Variants in SCNN1B observed in about 807,000 individuals in gnomAD.
The protein encoded by SCNN1B is sodium channel epithelial 1 subunit beta.
SCNN1B carries 46 observed loss-of-function variants against 65.3 expected under a neutral mutation model. The ratio of observed to expected loss-of-function variants is 0.70; its 90% CI spans 0.56 to 0.90. The LOEUF (loss-of-function observed/expected upper bound fraction) is 0.90. Among genes scored for constraint, SCNN1B ranks in the 40% least tolerant of loss-of-function variants. SCNN1B has a pLI of 0.00. For synonymous variants in SCNN1B, 349 were observed against 330.6 expected, an observed-to-expected ratio of 1.06 and a Z score of -0.60; for missense variants, 751 against 830.5, an observed-to-expected ratio of 0.90 and a Z score of 1.18.
intron 1 of SCNN1B, among the ~76,000 whole-genome samples, chr16:23,322,123 T>C (rs1354806673): frequency 6.6e-6 from 1 of 152,162 alleles, no homozygotes; most frequent in Non-Finnish European, 1.5e-5. Flanking sequence ...GATACAACAG[T>C]TTTTGTTTGT....
chr16:23,297,112 T>G (rs1961010601), intron 2 of SCNN1B, among the ~76,000 whole-genome samples: 1 of 152,104 alleles, frequency 6.6e-6, no homozygotes. Context: ...CCTCCGGACC[T>G]GTAGGTGGCA....
chr16:23,350,188 C>A (rs1962279546), intron 2 of SCNN1B, among the ~76,000 whole-genome samples: 1 of 152,162 alleles, frequency 6.6e-6, no homozygotes, highest in Non-Finnish European at 1.5e-5. Context: ...TCCACACAAC[C>A]ACCCTAGGAT....
Position 23,380,384 on chromosome 16 carries a change from G to A in SCNN1B, c.1543-37G>A. The stretch of plus-strand genomic sequence containing the variant: ...GAGGCTGGGCTAGAGGCAAGAATGT[G>A]TGGCCTGAGCTCACCCCAGCTCCCT... On this transcript the variant is annotated intron_variant, in intron 12 of 12. Transcript: ENST00000343070. The surrounding 1 kb of genome is among the most constrained non-coding windows in gnomAD (Gnocchi z 5.4). The A allele has an allele frequency of 6.2e-7, 1 of 1,613,658 alleles. No homozygotes were observed. The highest frequency in any genetic ancestry group is 2.2e-5 in the East Asian group (1 of 44,864).
chr16:23,366,920 C>T (rs536001265), intron 4 of SCNN1B, among the ~76,000 whole-genome samples: 6 of 152,322 alleles, frequency 3.9e-5, no homozygotes, highest in African/African-American at 1.2e-4. Context: ...ACATGCACTT[C>T]GACTGAACAG....
At chr16:23,326,087 A>C (rs1961690982) in intron 1 of SCNN1B, among the ~76,000 whole-genome samples, 1 of 151,804 alleles carries the variant, frequency 6.6e-6, no homozygotes, top group South Asian at 2.1e-4. Context: ...AAATAAACAA[A>C]ACAAAAAAAT....
chr16:23,347,645 T>C (rs1404411633), intron 1 of SCNN1B, among the ~76,000 whole-genome samples: 1 of 152,262 alleles, frequency 6.6e-6, no homozygotes, highest in Non-Finnish European at 1.5e-5. Context: ...CGGTGGTTCA[T>C]GCCTGTAATG....
chr16:23,286,507 T>C (rs888611811), intron 2 of SCNN1B, among the ~76,000 whole-genome samples: 1 of 152,268 alleles, frequency 6.6e-6, no homozygotes, highest in African/African-American at 2.4e-5. Flanking sequence ...CATTTTGAGC[T>C]TTCTGGTGTG....
upstream of SCNN1B, among the ~76,000 whole-genome samples, chr16:23,299,739 G>T (rs2141974388): frequency 6.6e-6 from 1 of 152,314 alleles, no homozygotes; most frequent in South Asian, 2.1e-4. Context: ...TTACACTGTT[G>T]GTTGGAGTGT....
intron 1 of SCNN1B, among the ~76,000 whole-genome samples, chr16:23,325,855 C>T (rs933533174): frequency 6.6e-6 from 1 of 151,228 alleles, no homozygotes; most frequent in African/African-American, 2.4e-5. Flanking sequence ...GAGTTTGAGA[C>T]CAGCCTGGGC....
intron 1 of SCNN1B, among the ~76,000 whole-genome samples, chr16:23,338,764 G>A (rs1275672569): frequency 1.3e-5 from 2 of 152,128 alleles, no homozygotes; most frequent in African/African-American, 4.8e-5. Flanking sequence ...GGGGACAACC[G>A]TCACATCTTT....
At chr16:23,345,364 C>T (rs894210489) in intron 1 of SCNN1B, among the ~76,000 whole-genome samples, 3 of 152,208 alleles carry the variant, frequency 2.0e-5, no homozygotes, top group Non-Finnish European at 4.4e-5. Flanking sequence ...GTGCAAATGG[C>T]AGGCATCCAA....
At chr16:23,300,711 C>A (rs948617838), upstream of SCNN1B, among the ~76,000 whole-genome samples, 2 of 152,074 alleles carry the variant, frequency 1.3e-5, no homozygotes, top group African/African-American at 4.8e-5. Flanking sequence ...AGCAGTGGCA[C>A]ACACACCTTG....
At chr16:23,290,046 A>T (rs564175807) in intron 2 of SCNN1B, among the ~76,000 whole-genome samples, 1 of 152,290 alleles carries the variant, frequency 6.6e-6, no homozygotes, top group Admixed American at 6.5e-5. Flanking sequence ...GGCTGGGGGA[A>T]AACAACAGAC....
intron 1 of SCNN1B, among the ~76,000 whole-genome samples, chr16:23,279,074 G>GGT (rs113833144): frequency 0.055 from 7,035 of 128,156 alleles, 189 homozygotes; most frequent in African/African-American, 0.11. Context: ...GTGTGTGTGG[G>GGT]GTGTGTGTGT....
intron 1 of SCNN1B, chr16:23,303,913 T>G: frequency 1.4e-6 from 1 of 714,310 alleles, no homozygotes; most frequent in South Asian, 1.5e-5. Flanking sequence ...AGCAAGACTC[T>G]GTTTCAGAAA....
chr16:23,298,410 G>A (rs1217700828), upstream of SCNN1B, among the ~76,000 whole-genome samples: 1 of 152,192 alleles, frequency 6.6e-6, no homozygotes, highest in African/African-American at 2.4e-5. Context: ...GAGCAGCCTA[G>A]CAGTCATATT....
chr16:23,348,838 GC>G lies in SCNN1B; in HGVS notation c.240del (p.Ser80ArgfsTer6). 6.2e-7 allele frequency: 1 copy of G among 1,614,190 alleles called. No individual in the cohort carries two copies. Among genetic ancestry groups the G allele is most frequent in the Non-Finnish European group, 8.5e-7 (1 of 1,180,034 alleles). ...AGGACCTACTTGAGCTGGGAGGTCA[GC>G]GTCTCCCTCTCCGTAGGCTTCAAGA... ...FIRTYLSWEVSVSLSVGFKTM... is the reference protein window; with the variant it reads ...FIRTYLSWEVXVSLSVGFKTM... On this transcript the variant is annotated frameshift_variant, in exon 2 of 13. Coordinates refer to ENST00000343070, the MANE Select transcript of SCNN1B (RefSeq NM_000336.3). LOFTEE classifies it high-confidence loss of function. This position sits in a 1 kb window ranked among gnomAD's most constrained non-coding sequence, Gnocchi z 4.5.
At chr16:23,313,215 G>T (rs1035029894) in intron 1 of SCNN1B, among the ~76,000 whole-genome samples, 1 of 152,094 alleles carries the variant, frequency 6.6e-6, no homozygotes, top group Non-Finnish European at 1.5e-5. Context: ...AAATACAGTG[G>T]TGACCCAGCC....
chr16:23,323,899 T>A (rs535895819), intron 1 of SCNN1B, among the ~76,000 whole-genome samples: 1 of 152,160 alleles, frequency 6.6e-6, no homozygotes, highest in Non-Finnish European at 1.5e-5. Context: ...TCTAAGGCAA[T>A]TAAGTATCTA....
Sources: allele counts gnomAD v4.1 joint callset (sites outside exome capture counted in the v4.1 genomes callset), GRCh38; gene constraint gnomAD v4.1.1; non-coding constraint Gnocchi (gnomAD v3.1); transcripts MANE v1.5; gene names NCBI Gene and HGNC (gene_info 2026-07-23, HGNC 2026-07-21).